WNK4: variants seen among roughly 807,000 people sequenced by gnomAD.
The protein encoded by WNK4 is serine/threonine-protein kinase WNK4.
Under a neutral mutation model 116.2 loss-of-function variants are expected in WNK4, and 94 were observed. That is an observed-to-expected ratio of 0.81 (90% CI 0.68 to 0.96). The LOEUF (loss-of-function observed/expected upper bound fraction) is 0.96, where lower values mean the gene tolerates loss of function less well. WNK4 is among the 40% of genes least tolerant of loss of function. The pLI, the probability that WNK4 is intolerant of heterozygous loss-of-function variation, is 0.00. For synonymous variants in WNK4, 655 were observed against 672.7 expected (o/e 0.97, Z 0.41); for missense variants, 1,542 against 1,650.6 (o/e 0.93, Z 1.14).
intron 12 of WNK4, 160 bp from the exon 13 acceptor site, chr17:42,794,454 T>C (rs1350721750): frequency 1.3e-6 from 1 of 762,254 alleles, no homozygotes; most frequent in Non-Finnish European, 2.2e-6. Flanking sequence ...TCATGCCCTT[T>C]TACCTCTATA....
rs1290297670 is a variant in WNK4, at chr17:42,784,427, C to T, written c.1018C>T (p.Pro340Ser). 1 of 1,613,310 alleles carries T rather than the reference C, an allele frequency of 6.2e-7. No individual in the cohort carries two copies. The highest frequency in any genetic ancestry group is 8.5e-7 in the Non-Finnish European group (1 of 1,179,800). ...CCCTGCTGTGGACCCTACAGGGACC[C>T]CGGAATTCATGGCCCCCGAGATGTA... ...ASFAKSVIGT[P>S]EFMAPEMYEE... is the part of the protein sequence containing the mutation. The change falls in exon 4 of 19, where the codon CCG becomes TCG. Residue 340 changes from proline (P) to serine (S), a missense_variant. Pro to Ser is a moderately conservative substitution (Grantham distance 74). Coordinates refer to ENST00000246914, the MANE Select transcript of WNK4 (RefSeq NM_032387.5). This position sits in a 1 kb window ranked among gnomAD's most constrained non-coding sequence, Gnocchi z 4.4.
Position 42,781,233 on chromosome 17 carries a change from G to A in WNK4, c.535G>A (p.Glu179Lys). 6.2e-7 allele frequency: 1 copy of A among 1,614,204 alleles called. No homozygotes were observed. The highest frequency in any genetic ancestry group is 8.5e-7 in the Non-Finnish European group (1 of 1,180,034). ...PDGRYLKFDI[E>K]IGRGSFKTVY... is the part of the protein sequence containing the mutation. ...TGGCCGATACCTCAAGTTTGACATC[G>A]AGATTGGACGTGGCTCCTTCAAGAC... Residue 179 changes from glutamate (E) to lysine (K), a missense_variant, in exon 1 of 19, where the codon GAG (glutamate) becomes AAG (lysine). Coordinates refer to ENST00000246914, the MANE Select transcript of WNK4 (RefSeq NM_032387.5).
Position 42,796,270 on chromosome 17 carries a change from CT to C in WNK4, c.3581del (p.Phe1194SerfsTer25). ...SRQRRLSKGS[F>X]PTSRRNSLQR... is the part of the protein sequence containing the mutation. ...GCCAGCGCCGCCTCTCCAAGGGCAG[CT>C]TCCCCACCTCCCGCCGCAACAGCCT... On this transcript the variant is annotated frameshift_variant, in exon 17 of 19. Coordinates refer to ENST00000246914, the MANE Select transcript of WNK4 (RefSeq NM_032387.5). LOFTEE classifies it high-confidence loss of function. 2 of 1,609,120 alleles carry C rather than the reference CT, an allele frequency of 1.2e-6. No individual in the cohort carries two copies. The highest frequency in any genetic ancestry group is 1.7e-6 in the Non-Finnish European group (2 of 1,178,116).
chr17:42,781,137 G>A lies in WNK4; in HGVS notation c.439G>A (p.Ala147Thr). 1.2e-6 allele frequency: 2 copies of A among 1,614,160 alleles called. No individual in the cohort carries two copies. The highest frequency in any genetic ancestry group is 1.7e-6 in the Non-Finnish European group (2 of 1,180,028). ...GCCGCTAAGGGTCCCTGAAGCTGTG[G>A]CCCTAGAGCGGCGGCGGGAGCAGGA... ...REPLRVPEAV[A>T]LERRREQEEK... The change falls in exon 1 of 19, where the codon GCC becomes ACC. Residue 147 changes from alanine (A) to threonine (T), a missense_variant. By Grantham distance (58) the Ala-to-Thr change is moderately conservative (BLOSUM62 0). Coordinates refer to ENST00000246914, the MANE Select transcript of WNK4 (RefSeq NM_032387.5).
intron 11 of WNK4, among the ~76,000 whole-genome samples, chr17:42,789,896 C>T (rs535131709): frequency 6.6e-6 from 1 of 151,888 alleles, no homozygotes; most frequent in South Asian, 2.1e-4. Flanking sequence ...ATCCCAACTA[C>T]TTGGGAGGCT....
intron 2 of WNK4, 75 bp downstream of exon 2, chr17:42,783,005 C>T: frequency 6.4e-7 from 1 of 1,557,308 alleles, no homozygotes; most frequent in Non-Finnish European, 8.7e-7. Context: ...CTCCCAGGCT[C>T]CTCAAACTCT....
chr17:42,794,992 C>A lies in WNK4; in HGVS notation c.2571C>A (p.His857Gln). The A allele has an allele frequency of 6.2e-7, 1 of 1,613,160 alleles. No homozygotes were observed. The highest frequency in any genetic ancestry group is 8.5e-7 in the Non-Finnish European group (1 of 1,179,776). ...AGGTCTCCTCAAATCCCTCTCCACA[C>A]CCCACCAGCTCTCCACTTCCATTCT... The part of the protein sequence containing the change: ...SSQVSSNPSP[H>Q]PTSSPLPFSS... The change falls in exon 14 of 19, where the codon CAC becomes CAA. Residue 857 changes from histidine (H) to glutamine (Q), a missense_variant. By Grantham distance (24) the His-to-Gln change is conservative (BLOSUM62 0). Transcript: ENST00000246914.
intron 11 of WNK4, among the ~76,000 whole-genome samples, chr17:42,789,757 G>A (rs534974514): frequency 1.3e-5 from 2 of 152,160 alleles, no homozygotes; most frequent in South Asian, 4.1e-4. Flanking sequence ...TGTAATCCCA[G>A]CACTTTGGGT....
rs1174637801 is a variant in WNK4, at chr17:42,795,675, C to A, written c.3073C>A (p.Pro1025Thr). The A allele has an allele frequency of 1.9e-6, 3 of 1,613,198 alleles. No homozygotes were observed. In the Admixed American group the frequency reaches 5.0e-5, roughly 27 times the overall value. Residue 1025 changes from proline to threonine, a missense_variant, in exon 16 of 19, where the codon CCG (proline) becomes ACG (threonine). Transcript: ENST00000246914. Reference sequence around the variant, plus strand: ...TTTCCAAGTGACTTCATCCAAGGAACCGGCTGAGCCTCTTCCCTTGCAGCC... The same window carrying A: ...TTTCCAAGTGACTTCATCCAAGGAAACGGCTGAGCCTCTTCCCTTGCAGCC... Reference protein sequence around the residue: ...GRFQVTSSKEPAEPLPLQPTS... With the variant: ...GRFQVTSSKETAEPLPLQPTS...
In WNK4 at chr17:42,796,596, G is replaced by T; in HGVS notation, c.3729+18G>T. 1.9e-6 allele frequency: 3 copies of T among 1,614,208 alleles called. No individual in the cohort carries two copies. Among genetic ancestry groups the T allele is most frequent in the Non-Finnish European group, 2.5e-6 (3 of 1,180,022 alleles). ...GCAGGATGGTGAGGGCGGGCCCAAG[G>T]GAGGGAGAGCCCAGGGAATGGTACC... On this transcript the variant is annotated intron_variant, in intron 18 of 18. Transcript: ENST00000246914.
At position 42,784,193 on chromosome 17, in the gene WNK4, C is replaced by T; in HGVS notation, c.1012+36C>T. ...CCAGGAGGGTCCATGCCATTCCTTCCTCCCCCACCTCAGAAGAGAACCTGG... is the reference window on the plus strand; with the variant it reads ...CCAGGAGGGTCCATGCCATTCCTTCTTCCCCCACCTCAGAAGAGAACCTGG... On this transcript the variant is annotated intron_variant, in intron 3 of 18. Transcript: ENST00000246914. This position sits in a 1 kb window ranked among gnomAD's most constrained non-coding sequence, Gnocchi z 4.4. 6.2e-7 allele frequency: 1 copy of T among 1,601,926 alleles called. No homozygotes were observed. The highest frequency in any genetic ancestry group is 8.5e-7 in the Non-Finnish European group (1 of 1,178,692).
At chr17:42,789,489 C>T (rs963844532) in intron 11 of WNK4, among the ~76,000 whole-genome samples, 4 of 151,614 alleles carry the variant, frequency 2.6e-5, no homozygotes, top group African/African-American at 9.7e-5. Context: ...ATGGTGAAAC[C>T]CCGTCTCTAC....
At chr17:42,781,622 T>G (rs1317459143) in intron 1 of WNK4, among the ~76,000 whole-genome samples, 1 of 152,064 alleles carries the variant, frequency 6.6e-6, no homozygotes, top group Non-Finnish European at 1.5e-5. Flanking sequence ...CCAGTTCAGG[T>G]CAGTTTCCTG....
chr17:42,783,872 G>C, intron 2 of WNK4, 65 bp from the exon 3 acceptor site: 2 of 1,501,260 alleles, frequency 1.3e-6, no homozygotes, highest in East Asian at 4.8e-5. Context: ...GAACTTCCCA[G>C]TGGGGGGCTC....
chr17:42,793,949 T>G (rs2054633526), intron 12 of WNK4: 174 of 476,256 alleles, frequency 3.7e-4, no homozygotes, highest in Middle Eastern at 1.3e-3. Flanking sequence ...GCCTCCCGGG[T>G]TCACGCCATT....
At chr17:42,783,153 G>T (rs911640094) in intron 2 of WNK4, among the ~76,000 whole-genome samples, 1 of 151,926 alleles carries the variant, frequency 6.6e-6, no homozygotes, top group African/African-American at 2.4e-5. Context: ...TCTCCACTCT[G>T]CCCCCTCATC....
In WNK4 at chr17:42,785,633, T is replaced by C; in HGVS notation, c.1476+151T>C. ...AAATCTCCTGCAGCGTCTCCCTACCTCTCCAGCCCTAACTTACCCGCACGC... is the reference window on the plus strand; with the variant it reads ...AAATCTCCTGCAGCGTCTCCCTACCCCTCCAGCCCTAACTTACCCGCACGC... On this transcript the variant is annotated intron_variant, in intron 6 of 18. Coordinates refer to ENST00000246914, the MANE Select transcript of WNK4 (RefSeq NM_032387.5). 3 of 1,018,152 alleles carry C rather than the reference T, an allele frequency of 2.9e-6. No individual in the cohort carries two copies. The South Asian group carries it at 4.6e-5, about 16-fold the overall frequency. The allele number at this position is 1,018,152 out of a possible 1,614,324, so 63.1% of individuals were successfully genotyped here.
Position 42,783,989 on chromosome 17 carries a change from C to G in WNK4, c.844C>G (p.Arg282Gly), listed in dbSNP as rs1282432551. 6.2e-7 allele frequency: 1 copy of G among 1,614,068 alleles called. No individual in the cohort carries two copies. Among genetic ancestry groups the G allele is most frequent in the Admixed American group, 1.7e-5 (1 of 60,028 alleles). Residue 282 changes from arginine to glycine, a missense_variant, in exon 3 of 19, where the codon CGC becomes GGC. Coordinates refer to ENST00000246914, the MANE Select transcript of WNK4 (RefSeq NM_032387.5). ...GCCGCGGGTCCTTCAGCGCTGGAGCCGCCAAATCCTGCGGGGACTTCATTT... is the reference window on the plus strand; with the variant it reads ...GCCGCGGGTCCTTCAGCGCTGGAGCGGCCAAATCCTGCGGGGACTTCATTT... ...MKPRVLQRWS[R>G]QILRGLHFLH...
At chr17:42,785,576 A>T in intron 6 of WNK4, 94 bp downstream of exon 6, 6 of 1,392,168 alleles carry the variant, frequency 4.3e-6, no homozygotes, top group Non-Finnish European at 6.0e-6. Context: ...GAGGGGTGGC[A>T]GCGATGGGGG....
Sources: allele counts gnomAD v4.1 joint callset (sites outside exome capture counted in the v4.1 genomes callset), GRCh38; gene constraint gnomAD v4.1.1; non-coding constraint Gnocchi (gnomAD v3.1); transcripts MANE v1.5; gene names NCBI Gene and HGNC (gene_info 2026-07-23, HGNC 2026-07-21).